The following COL8A1 variants were observed in gnomAD, a reference collection of about 807,000 sequenced individuals.
COL8A1 encodes collagen alpha-1(VIII) chain.
In COL8A1, 21 loss-of-function variants were observed where a neutral mutation model predicts 42.7. The ratio of observed to expected loss-of-function variants is 0.49; its 90% confidence interval spans 0.35 to 0.71. COL8A1 has a LOEUF of 0.71. Among genes scored for constraint, COL8A1 ranks in the 30% least tolerant of loss-of-function variants. The pLI is 0.01. For synonymous variants in COL8A1, 367 were observed against 369.1 expected (o/e 0.99, Z 0.06); for missense variants, 788 against 962.4 (o/e 0.82, Z 2.40).
intron 1 of COL8A1, among the ~76,000 whole-genome samples, chr3:99,660,221 A>G (rs1440020341): frequency 6.6e-6 from 1 of 152,226 alleles, no homozygotes; most frequent in Non-Finnish European, 1.5e-5. Flanking sequence ...GTGGCTTTGC[A>G]TAAGCTCTCC....
At position 99,796,690 on chromosome 3, in the gene COL8A1, A is replaced by G. The variant is rs1435693067; in HGVS notation, c.*554A>G. 6.6e-6 allele frequency: 1 copy of G among 152,274 alleles called. No individual in the cohort carries two copies. The highest frequency in any genetic ancestry group is 2.4e-5 in the African/African-American group (1 of 41,434). 9.4% of individuals were successfully genotyped at this position (152,274 alleles called of 1,614,324 possible). On this transcript the variant is annotated 3_prime_UTR_variant, in exon 4 of 4. Coordinates refer to ENST00000652472, the MANE Select transcript of COL8A1 (RefSeq NM_020351.4). Reference sequence around the variant, plus strand: ...TGGGGACCCTGGTAATGCTTTAGTCAAAGGGATATCTCTCTTGTATCAGAG... The same window carrying G: ...TGGGGACCCTGGTAATGCTTTAGTCGAAGGGATATCTCTCTTGTATCAGAG...
intron 1 of COL8A1, among the ~76,000 whole-genome samples, chr3:99,711,005 A>C (rs1298775962): frequency 2.6e-5 from 4 of 152,198 alleles, no homozygotes; most frequent in Non-Finnish European, 5.9e-5. Flanking sequence ...TGGAACTCTT[A>C]ATGGGTACCA....
chr3:99,715,636 A>G (rs1236940420), intron 1 of COL8A1, among the ~76,000 whole-genome samples: 1 of 152,012 alleles, frequency 6.6e-6, no homozygotes, highest in South Asian at 2.1e-4. Context: ...TTTTTTCTGC[A>G]TTTATCTCAG....
intron 1 of COL8A1, among the ~76,000 whole-genome samples, chr3:99,657,488 A>G (rs1006786778): frequency 7.2e-5 from 11 of 152,212 alleles, no homozygotes; most frequent in African/African-American, 2.7e-4. Context: ...AGTAGCTGGT[A>G]TAGCCTACAT....
chr3:99,664,899 G>C (rs540170943), intron 1 of COL8A1, among the ~76,000 whole-genome samples: 1 of 152,298 alleles, frequency 6.6e-6, no homozygotes, highest in African/African-American at 2.4e-5. Flanking sequence ...AAGGGGAGGA[G>C]TGCGCCTCTC....
Position 99,790,943 on chromosome 3 carries a change from C to G in COL8A1, c.261C>G (p.Pro87=). 1 of 1,614,158 alleles carries G rather than the reference C, an allele frequency of 6.2e-7. No individual in the cohort carries two copies. Among genetic ancestry groups the G allele is most frequent in the Non-Finnish European group, 8.5e-7 (1 of 1,180,002 alleles). ...LQYGKEYPHL[P]QYMKEIQPAP... is the part of the protein sequence containing the mutation. ...ATGGCAAAGAGTATCCACACCTACC[C>G]CAATATATGAAGGAAATTCAACCGG... Residue 87 remains proline, a synonymous_variant, in exon 3 of 4, where the codon CCC becomes CCG. Transcript: ENST00000652472.
chr3:99,779,944 C>T (rs1051238403), intron 2 of COL8A1, among the ~76,000 whole-genome samples: 10 of 152,114 alleles, frequency 6.6e-5, no homozygotes, highest in South Asian at 2.1e-4. Context: ...GCCTAGTTTT[C>T]GAAACAGGTC....
chr3:99,647,913 A>G (rs1195920729), intron 1 of COL8A1, among the ~76,000 whole-genome samples: 1 of 152,180 alleles, frequency 6.6e-6, no homozygotes, highest in East Asian at 1.9e-4. Context: ...TCTGGGAATT[A>G]TCTTTCCACT....
intron 2 of COL8A1, among the ~76,000 whole-genome samples, chr3:99,749,258 C>T (rs1034412591): frequency 6.6e-5 from 10 of 151,168 alleles, no homozygotes; most frequent in Non-Finnish European, 1.3e-4. Flanking sequence ...CTAAGAGTTA[C>T]ACCAAGGTTC....
In COL8A1 at chr3:99,797,057, CTAA is replaced by C. The variant is rs1473390300; in HGVS notation, c.*925_*927del. 3.9e-5 allele frequency: 6 copies of C among 152,196 alleles called. No homozygotes were observed. The highest frequency in any genetic ancestry group is 2.0e-4 in the Admixed American group (3 of 15,286). The allele number at this position is 152,196 out of a possible 1,614,324, so 9.4% of individuals were successfully genotyped here. On this transcript the variant is annotated 3_prime_UTR_variant, in exon 4 of 4. Coordinates refer to ENST00000652472, the MANE Select transcript of COL8A1 (RefSeq NM_020351.4). The stretch of plus-strand genomic sequence containing the variant: ...ATTACAAGGAAAAAAAATTCTTCCT[CTAA>C]TAACTTTCCAAATTTGTGGAATATT...
intron 1 of COL8A1, among the ~76,000 whole-genome samples, chr3:99,739,420 T>A (rs1379615126): frequency 6.6e-6 from 1 of 152,154 alleles, no homozygotes; most frequent in Non-Finnish European, 1.5e-5. Flanking sequence ...CAACCCCACA[T>A]TTTCCTTCTG....
chr3:99,752,087 C>G (rs1215800113), intron 2 of COL8A1, among the ~76,000 whole-genome samples: 1 of 152,114 alleles, frequency 6.6e-6, no homozygotes. Flanking sequence ...TCCTCATCCC[C>G]TGCAAATAGA....
intron 2 of COL8A1, among the ~76,000 whole-genome samples, chr3:99,788,744 A>C (rs184882749): frequency 6.6e-6 from 1 of 152,336 alleles, no homozygotes; most frequent in Admixed American, 6.5e-5. Context: ...TGAAAAAAGC[A>C]AAAAATAGAA....
chr3:99,697,828 T>A (rs1439099843), intron 1 of COL8A1, among the ~76,000 whole-genome samples: 1 of 152,250 alleles, frequency 6.6e-6, no homozygotes, highest in Non-Finnish European at 1.5e-5. Context: ...CTTCTTTTTT[T>A]AATAATACTT....
chr3:99,770,923 C>T (rs542665799), intron 2 of COL8A1, among the ~76,000 whole-genome samples: 2 of 152,302 alleles, frequency 1.3e-5, no homozygotes, highest in South Asian at 2.1e-4. Flanking sequence ...TGGGTTTGCG[C>T]ACTGCCTTCG....
intron 1 of COL8A1, among the ~76,000 whole-genome samples, chr3:99,689,683 T>A (rs560303994): frequency 8.4e-4 from 128 of 152,348 alleles, no homozygotes; most frequent in Non-Finnish European, 1.6e-3. Context: ...GGCTATAAAT[T>A]ATTTAACATT....
Position 99,797,399 on chromosome 3 carries a change from A to AGG in COL8A1, c.*1264_*1265insGG, listed in dbSNP as rs1382640410. Reference sequence around the variant, plus strand: ...GCAATTGTCCTGTCTCAGCCTCCCGAGTACTGGGACTACTGTCTTGCGCCA... The same window carrying AGG: ...GCAATTGTCCTGTCTCAGCCTCCCGAGGGTACTGGGACTACTGTCTTGCGCCA... On this transcript the variant is annotated 3_prime_UTR_variant, in exon 4 of 4. Coordinates refer to ENST00000652472, the MANE Select transcript of COL8A1 (RefSeq NM_020351.4). The AGG allele has an allele frequency of 6.6e-6, 1 of 152,068 alleles. No homozygotes were observed. The highest frequency in any genetic ancestry group is 1.5e-5 in the Non-Finnish European group (1 of 68,024). 9.4% of individuals were successfully genotyped at this position (152,068 alleles called of 1,614,324 possible). A position where few individuals can be genotyped will look rare whatever the true frequency, so the allele number is the denominator to read the frequency against.
At chr3:99,644,036 G>C (rs1004063305) in intron 1 of COL8A1, among the ~76,000 whole-genome samples, 1 of 152,136 alleles carries the variant, frequency 6.6e-6, no homozygotes, top group African/African-American at 2.4e-5. Flanking sequence ...GGGACTAAGA[G>C]TATAGAGACA....
intron 1 of COL8A1, among the ~76,000 whole-genome samples, chr3:99,681,150 A>G (rs147746572): frequency 2.2e-3 from 339 of 152,372 alleles, no homozygotes; most frequent in African/African-American, 7.8e-3. Context: ...AGATCTAATT[A>G]AACTAAAGAG....
Sources: gnomAD v4.1 joint callset for allele counts (sites outside exome capture counted in the v4.1 genomes callset) on GRCh38, gnomAD v4.1.1 for gene constraint, MANE v1.5 for transcripts, NCBI Gene and HGNC (gene_info 2026-07-23, HGNC 2026-07-21) for gene names.